The following PRR11 variants were observed in gnomAD, a reference collection of about 807,000 sequenced individuals.
PRR11 encodes the protein proline-rich protein 11.
In PRR11, 30 loss-of-function variants were observed where a neutral mutation model predicts 45.6. That is an observed-to-expected ratio of 0.66 (90% CI 0.49 to 0.89). The LOEUF is 0.89. Ranked by LOEUF, PRR11 falls within the 40% of genes least tolerant of loss-of-function variation. The pLI is 0.00. For synonymous variants in PRR11, 128 were observed against 153.5 expected (o/e 0.83, Z 1.23); for missense variants, 373 against 424.8 (o/e 0.88, Z 1.07).
intron 2 of PRR11, chr17:59,174,957 A>C: frequency 1.1e-6 from 1 of 879,028 alleles, no homozygotes; most frequent in Non-Finnish European, 1.8e-6. Context: ...CACCCCGCCT[A>C]CCTCCTCCAA....
chr17:59,197,213 C>T (rs1333105517), intron 7 of PRR11, among the ~76,000 whole-genome samples: 1 of 151,466 alleles, frequency 6.6e-6, no homozygotes, highest in Non-Finnish European at 1.5e-5. Context: ...GAAATGATTG[C>T]TTTCCTTTGG....
intron 9 of PRR11, among the ~76,000 whole-genome samples, chr17:59,199,282 C>G (rs1018196180): frequency 5.3e-5 from 8 of 152,022 alleles, no homozygotes; most frequent in South Asian, 2.1e-4. Context: ...GGAGAGAGTT[C>G]CAGGCAAAAA....
chr17:59,191,198 TTC>T (rs532016009), intron 4 of PRR11, among the ~76,000 whole-genome samples: 93 of 147,546 alleles, frequency 6.3e-4, no homozygotes, highest in African/African-American at 1.8e-3. Flanking sequence ...TACTCCATGT[TTC>T]TTTCTTTTTT....
intron 2 of PRR11, among the ~76,000 whole-genome samples, chr17:59,173,348 G>A (rs1331107475): frequency 1.3e-5 from 2 of 152,170 alleles, no homozygotes; most frequent in African/African-American, 2.4e-5. Flanking sequence ...ACCAGTGGGG[G>A]CCACTTTCAC....
At chr17:59,200,004 G>C (rs1323891505) in intron 9 of PRR11, among the ~76,000 whole-genome samples, 1 of 152,070 alleles carries the variant, frequency 6.6e-6, no homozygotes, top group East Asian at 1.9e-4. Context: ...GATCTTTGTT[G>C]TCACTGCCCC....
At chr17:59,180,655 G>A (rs368997229) in intron 2 of PRR11, among the ~76,000 whole-genome samples, 8 of 150,584 alleles carry the variant, frequency 5.3e-5, no homozygotes, top group South Asian at 2.1e-4. Context: ...ACAGGCGTGC[G>A]CCACCACACC....
chr17:59,198,371 C>G (rs1258274982), intron 9 of PRR11, among the ~76,000 whole-genome samples: 1 of 151,286 alleles, frequency 6.6e-6, no homozygotes, highest in African/African-American at 2.4e-5. Flanking sequence ...AAAACCCTGT[C>G]TCCACTAAAA....
At chr17:59,159,937 T>C (rs2046643359) in intron 1 of PRR11, among the ~76,000 whole-genome samples, 1 of 152,334 alleles carries the variant, frequency 6.6e-6, no homozygotes, top group Admixed American at 6.5e-5. Flanking sequence ...ATTGTATACC[T>C]GTTTACTTTC....
intron 4 of PRR11, among the ~76,000 whole-genome samples, chr17:59,190,616 C>T (rs1355843002): frequency 6.6e-6 from 1 of 152,210 alleles, no homozygotes; most frequent in Non-Finnish European, 1.5e-5. Flanking sequence ...CGGCTTAAGC[C>T]CATAAAACCA....
chr17:59,190,615 C>A (rs2046836398), intron 4 of PRR11, among the ~76,000 whole-genome samples: 1 of 152,256 alleles, frequency 6.6e-6, no homozygotes, highest in Non-Finnish European at 1.5e-5. Flanking sequence ...CCGGCTTAAG[C>A]CCATAAAACC....
intron 2 of PRR11, among the ~76,000 whole-genome samples, chr17:59,182,390 T>TG (rs2046792685): frequency 4.2e-5 from 2 of 48,118 alleles, no homozygotes; most frequent in African/African-American, 4.4e-4. Context: ...CTGACCCTTC[T>TG]TTTTTTTTTT....
intron 2 of PRR11, among the ~76,000 whole-genome samples, chr17:59,171,118 C>T (rs2046705997): frequency 6.6e-6 from 1 of 152,158 alleles, no homozygotes; most frequent in Non-Finnish European, 1.5e-5. Flanking sequence ...AAAAAATTAG[C>T]CGGGCGCGGT....
intron 1 of PRR11, among the ~76,000 whole-genome samples, chr17:59,158,246 A>C (rs1458015854): frequency 6.6e-6 from 1 of 152,208 alleles, no homozygotes; most frequent in Non-Finnish European, 1.5e-5. Flanking sequence ...TGAAGAAGCA[A>C]ATACATAAAT....
intron 4 of PRR11, among the ~76,000 whole-genome samples, chr17:59,188,313 C>G (rs1020444759): frequency 6.6e-6 from 1 of 152,144 alleles, no homozygotes; most frequent in Non-Finnish European, 1.5e-5. Flanking sequence ...AACAGGTGCT[C>G]TCTTGTTATT....
chr17:59,158,302 ACTACTGC>A (rs750410346), intron 1 of PRR11, among the ~76,000 whole-genome samples: 35 of 152,232 alleles, frequency 2.3e-4, no homozygotes, highest in Non-Finnish European at 3.8e-4. Context: ...CTAAAGAGAC[ACTACTGC>A]TAAATGCATG....
chr17:59,177,660 G>A (rs1358782636), intron 2 of PRR11, among the ~76,000 whole-genome samples: 4 of 152,214 alleles, frequency 2.6e-5, no homozygotes, highest in South Asian at 2.1e-4. Flanking sequence ...AGAGGCAGGG[G>A]CCACTCATTC....
Position 59,205,150 on chromosome 17 carries a change from C to A in PRR11, c.*3519C>A, listed in dbSNP as rs541905. On this transcript the variant is annotated 3_prime_UTR_variant, in exon 10 of 10. Transcript: ENST00000262293. The stretch of plus-strand genomic sequence containing the variant: ...CTACTGCCATTGTACCAGTGTTAAA[C>A]TGTGTTCTACCTTGCATCTTTTACT... 4.7e-4 allele frequency among the ~76,000 whole-genome samples: 72 copies of A among 151,650 alleles called. No homozygotes were observed. Among genetic ancestry groups the A allele is most frequent in the African/African-American group, 1.3e-3 (53 of 41,328 alleles).
At chr17:59,175,911 A>G (rs2046742422) in intron 2 of PRR11, among the ~76,000 whole-genome samples, 1 of 152,196 alleles carries the variant, frequency 6.6e-6, no homozygotes. Flanking sequence ...GTCTCAAAAA[A>G]ATAAAAGAAA....
chr17:59,180,127 C>CG (rs1270221286), intron 2 of PRR11, among the ~76,000 whole-genome samples: 3 of 114,942 alleles, frequency 2.6e-5, no homozygotes, highest in Non-Finnish European at 5.2e-5. Context: ...TGAGTCTCTC[C>CG]TTTTTTTTTT....
Sources: allele counts gnomAD v4.1 joint callset (sites outside exome capture counted in the v4.1 genomes callset), GRCh38; gene constraint gnomAD v4.1.1; transcripts MANE v1.5; gene names NCBI Gene and HGNC (gene_info 2026-07-23, HGNC 2026-07-21).